BMP2K: variants seen among roughly 807,000 people sequenced by gnomAD.
BMP2K encodes the protein BMP-2-inducible protein kinase.
In BMP2K, 74 loss-of-function variants were observed where a neutral mutation model predicts 116.0. The observed-to-expected ratio is 0.64, with a 90% CI of 0.53 to 0.77. The LOEUF is 0.77. Among genes scored for constraint, BMP2K ranks in the 30% least tolerant of loss-of-function variants. The probability of loss-of-function intolerance (pLI) is 0.00; values close to 1 mark genes in which losing one functional copy is unlikely to be tolerated. For missense variants in BMP2K, 1,365 were observed against 1,403.6 expected (o/e 0.97, Z 0.44); for synonymous variants, 486 against 502.5 (o/e 0.97, Z 0.44).
At chr4:78,842,654 C>T (rs963924217) in intron 4 of BMP2K, 127 bp downstream of exon 4, 4 of 777,504 alleles carry the variant, frequency 5.1e-6, no homozygotes, top group Non-Finnish European at 7.4e-6. Flanking sequence ...TCTACATTTC[C>T]TGAGGTCATG....
chr4:78,855,483 G>A (rs1019690510), intron 7 of BMP2K, among the ~76,000 whole-genome samples: 1 of 152,068 alleles, frequency 6.6e-6, no homozygotes, highest in African/African-American at 2.4e-5. Context: ...TCTAGGCCCA[G>A]GCATGGATCC....
At chr4:78,829,723 A>G (rs1177987116) in intron 2 of BMP2K, among the ~76,000 whole-genome samples, 2 of 151,958 alleles carry the variant, frequency 1.3e-5, no homozygotes, top group African/African-American at 4.8e-5. Context: ...GGGCTGAAGA[A>G]TGGATGTTGT....
intron 14 of BMP2K, chr4:78,879,411 T>C (rs1366206963): frequency 2.0e-6 from 2 of 985,750 alleles, no homozygotes; most frequent in Non-Finnish European, 2.4e-6. Flanking sequence ...TGGCAAAAAT[T>C]AAATAAATTC....
At chr4:78,871,564 G>A (rs1459515014) in intron 11 of BMP2K, among the ~76,000 whole-genome samples, 1 of 152,142 alleles carries the variant, frequency 6.6e-6, no homozygotes, top group Non-Finnish European at 1.5e-5. Context: ...TCACTCAGGT[G>A]TCTTTATCTT....
intron 1 of BMP2K, chr4:78,820,736 T>A (rs1000759204): frequency 1.3e-5 from 2 of 152,356 alleles, no homozygotes; most frequent in African/African-American, 4.8e-5. Context: ...CACACCCAGT[T>A]AATTTTTGTA....
At chr4:78,808,432 ATTTTTT>A in intron 1 of BMP2K, among the ~76,000 whole-genome samples, 1 of 151,460 alleles carries the variant, frequency 6.6e-6, no homozygotes, top group Non-Finnish European at 1.5e-5. Context: ...CACCCGGCTA[ATTTTTT>A]TTATTTTTAC....
intron 3 of BMP2K, among the ~76,000 whole-genome samples, chr4:78,838,765 C>A (rs1730615389): frequency 6.6e-6 from 1 of 152,042 alleles, no homozygotes; most frequent in African/African-American, 2.4e-5. Flanking sequence ...AGCTCATATC[C>A]CCTTACGTGG....
At chr4:78,895,701 T>C (rs1371349518) in intron 15 of BMP2K, among the ~76,000 whole-genome samples, 1 of 152,216 alleles carries the variant, frequency 6.6e-6, no homozygotes, top group Admixed American at 6.5e-5. Flanking sequence ...CAAAATTTTA[T>C]GGAGCAAAAG....
At position 78,776,715 on chromosome 4, in the gene BMP2K, G is replaced by A. The variant is rs1426238726; in HGVS notation, c.172G>A (p.Ala58Thr). The change falls in exon 1 of 16, where the codon GCC (alanine) becomes ACC (threonine). Residue 58 changes from alanine (A) to threonine (T), a missense_variant. Physicochemically the swap from Ala to Thr is moderately conservative, Grantham distance 58. This residue lies in a region of BMP2K where 762 missense variants were observed against 756.7 expected (regional missense o/e 1.01). Transcript: ENST00000502613. ...CCAGGTCACCCTGGAAGAGTCGCTGGCCGAAGGTACGGGCGCCCGGGGAGG... is the reference window on the plus strand; with the variant it reads ...CCAGGTCACCCTGGAAGAGTCGCTGACCGAAGGTACGGGCGCCCGGGGAGG... ...RHQVTLEESL[A>T]EGGFSTVFLV... 4 of 1,268,156 alleles carry A rather than the reference G, an allele frequency of 3.2e-6. No homozygotes were observed. Among genetic ancestry groups the A allele is most frequent in the Non-Finnish European group, 4.0e-6 (4 of 1,002,840 alleles). 78.6% of individuals were successfully genotyped at this position (1,268,156 alleles called of 1,614,324 possible).
intron 15 of BMP2K, among the ~76,000 whole-genome samples, chr4:78,908,070 A>G (rs530917092): frequency 6.6e-6 from 1 of 152,354 alleles, no homozygotes; most frequent in Non-Finnish European, 1.5e-5. Context: ...TGTGTAGGGA[A>G]GAAGTCAAAC....
chr4:78,788,082 A>G (rs1289335218), intron 1 of BMP2K, among the ~76,000 whole-genome samples: 3 of 151,182 alleles, frequency 2.0e-5, no homozygotes, highest in East Asian at 3.9e-4. Flanking sequence ...TGTCAGGACT[A>G]TTTTTCTAGG....
chr4:78,813,904 T>C (rs905424548), intron 1 of BMP2K, among the ~76,000 whole-genome samples: 2 of 152,222 alleles, frequency 1.3e-5, no homozygotes, highest in Non-Finnish European at 2.9e-5. Flanking sequence ...AGTTCTCTGA[T>C]TTGCTTGTAG....
chr4:78,786,847 G>A (rs143985953), intron 1 of BMP2K, among the ~76,000 whole-genome samples: 8 of 152,170 alleles, frequency 5.3e-5, no homozygotes, highest in East Asian at 1.9e-4. Context: ...AATAAAATGC[G>A]TAATTTTCTC....
intron 14 of BMP2K, among the ~76,000 whole-genome samples, chr4:78,881,210 C>A (rs535351459): frequency 1.3e-5 from 2 of 152,268 alleles, no homozygotes; most frequent in East Asian, 1.9e-4. Context: ...GCCACTTTCT[C>A]TTTTCTCACT....
At chr4:78,822,456 C>G (rs1035273393) in intron 1 of BMP2K, among the ~76,000 whole-genome samples, 4 of 151,996 alleles carry the variant, frequency 2.6e-5, no homozygotes, top group African/African-American at 7.2e-5. Context: ...GCAAAAGATA[C>G]CAATTATTTT....
intron 14 of BMP2K, among the ~76,000 whole-genome samples, chr4:78,884,190 G>A (rs1479975016): frequency 2.0e-5 from 3 of 152,054 alleles, no homozygotes; most frequent in African/African-American, 7.2e-5. Context: ...AGCTGAACGT[G>A]GTGGCCTGTG....
At chr4:78,780,275 C>T (rs1398908489) in intron 1 of BMP2K, among the ~76,000 whole-genome samples, 2 of 151,964 alleles carry the variant, frequency 1.3e-5, no homozygotes, top group African/African-American at 4.8e-5. Flanking sequence ...AATGTAATCA[C>T]GAGGTTATGG....
At chr4:78,891,008 G>T (rs1229551404) in intron 15 of BMP2K, among the ~76,000 whole-genome samples, 1 of 152,120 alleles carries the variant, frequency 6.6e-6, no homozygotes, top group Non-Finnish European at 1.5e-5. Flanking sequence ...AGACCAGTCT[G>T]GGTGACATAG....
chr4:78,860,863 G>A (rs1731743717), intron 8 of BMP2K, among the ~76,000 whole-genome samples: 1 of 139,652 alleles, frequency 7.2e-6, no homozygotes, highest in Non-Finnish European at 1.5e-5. Context: ...TCTAAAAGTA[G>A]ATAAGTAGAC....
Sources: allele counts gnomAD v4.1 joint callset (sites outside exome capture counted in the v4.1 genomes callset), GRCh38; gene constraint gnomAD v4.1.1; regional missense constraint gnomAD v4.1.1; transcripts MANE v1.5; gene names NCBI Gene and HGNC (gene_info 2026-07-23, HGNC 2026-07-21).